Variants in IMMP2L observed in about 807,000 individuals in gnomAD.
IMMP2L encodes the protein inner mitochondrial membrane peptidase subunit 2.
A neutral mutation model predicts 19.3 loss-of-function variants in IMMP2L; 18 were observed. The observed-to-expected ratio is 0.93, with a 90% CI of 0.64 to 1.38. IMMP2L has a LOEUF of 1.38. Ranked by LOEUF, IMMP2L falls within the 40% of genes most tolerant of loss-of-function variation. IMMP2L has a pLI of 0.00. For synonymous variants in IMMP2L, 76 were observed against 73.0 expected (o/e 1.04, Z -0.21); for missense variants, 233 against 218.2 (o/e 1.07, Z -0.43).
In IMMP2L at chr7:110,830,667, G is replaced by GAGTC. The variant is rs138345328; in HGVS notation, c.408+55922_408+55925dup. Among the ~76,000 whole-genome samples the GAGTC allele has an allele frequency of 6.0e-3, 919 of 152,282 alleles. 23 individuals carry two copies. In the East Asian group the frequency reaches 0.085, roughly 14 times the overall value. On this transcript the variant is annotated intron_variant, in intron 5 of 5. Coordinates refer to ENST00000405709, the MANE Select transcript of IMMP2L (RefSeq NM_032549.4). The stretch of plus-strand genomic sequence containing the variant: ...ATGAGGTGTGCAAGAAGCCACTTGA[G>GAGTC]AGTCATAGTATGGAATGGAGACCAA...
chr7:110,974,894 G>A (rs141634447), intron 3 of IMMP2L, among the ~76,000 whole-genome samples: 10 of 152,156 alleles, frequency 6.6e-5, no homozygotes, highest in Non-Finnish European at 1.3e-4. Flanking sequence ...TGTGTTATAC[G>A]TAGGAGAAAA....
intron 3 of IMMP2L, among the ~76,000 whole-genome samples, chr7:111,035,492 GT>G (rs902779215): frequency 2.0e-5 from 3 of 152,160 alleles, no homozygotes; most frequent in Non-Finnish European, 2.9e-5. Flanking sequence ...GCAATAAATA[GT>G]GATTGCTTCT....
At chr7:111,423,338 C>G (rs1676277559) in intron 3 of IMMP2L, among the ~76,000 whole-genome samples, 1 of 151,782 alleles carries the variant, frequency 6.6e-6, no homozygotes, top group Admixed American at 6.6e-5. Context: ...GTGAATCCAT[C>G]TGGTCCTGGA....
chr7:110,702,596 A>G (rs1794357751), intron 5 of IMMP2L, among the ~76,000 whole-genome samples: 1 of 152,114 alleles, frequency 6.6e-6, no homozygotes, highest in Admixed American at 6.6e-5. Flanking sequence ...ATTTCTTTCA[A>G]CAATGTTTTG....
At chr7:111,520,155 TA>T (rs1265855274) in intron 2 of IMMP2L, among the ~76,000 whole-genome samples, 1 of 152,168 alleles carries the variant, frequency 6.6e-6, no homozygotes, top group Non-Finnish European at 1.5e-5. Context: ...GCCATATGCC[TA>T]TAAATCTTTC....
At chr7:111,166,405 ACTCT>A (rs1198664086) in intron 3 of IMMP2L, among the ~76,000 whole-genome samples, 2 of 151,992 alleles carry the variant, frequency 1.3e-5, no homozygotes, top group Non-Finnish European at 2.9e-5. Context: ...ATTATATTAT[ACTCT>A]CTCCTATCCT....
At chr7:111,510,844 C>T (rs1418361837) in intron 2 of IMMP2L, among the ~76,000 whole-genome samples, 2 of 152,120 alleles carry the variant, frequency 1.3e-5, no homozygotes, top group Admixed American at 6.5e-5. Context: ...CCCCACATAC[C>T]GTGCTTTACC....
At chr7:111,552,896 T>G (rs1479921593) in intron 1 of IMMP2L, among the ~76,000 whole-genome samples, 1 of 152,144 alleles carries the variant, frequency 6.6e-6, no homozygotes, top group Non-Finnish European at 1.5e-5. Context: ...ATCTGCCATC[T>G]CATGAGAATA....
intron 3 of IMMP2L, among the ~76,000 whole-genome samples, chr7:111,383,075 G>T (rs1004380152): frequency 2.0e-5 from 3 of 152,022 alleles, no homozygotes; most frequent in Non-Finnish European, 2.9e-5. Context: ...AGTCATGGAG[G>T]AAGAAAATGT....
At chr7:110,687,297 C>T (rs1420965482) in intron 5 of IMMP2L, among the ~76,000 whole-genome samples, 6 of 152,002 alleles carry the variant, frequency 3.9e-5, no homozygotes, top group Admixed American at 3.9e-4. Context: ...CTCTTCTACC[C>T]CCACTTCTAT....
At chr7:110,729,458 T>A (rs1170491450) in intron 5 of IMMP2L, among the ~76,000 whole-genome samples, 1 of 152,154 alleles carries the variant, frequency 6.6e-6, no homozygotes, top group East Asian at 1.9e-4. Context: ...ACTGCCCCCA[T>A]AATTCAGTCA....
chr7:111,379,923 T>C (rs1168703042), intron 3 of IMMP2L, among the ~76,000 whole-genome samples: 5 of 151,918 alleles, frequency 3.3e-5, no homozygotes, highest in African/African-American at 1.2e-4. Context: ...AAAATCCATG[T>C]ATACATTGCA....
At chr7:110,873,649 C>A (rs1180879881) in intron 5 of IMMP2L, among the ~76,000 whole-genome samples, 1 of 151,192 alleles carries the variant, frequency 6.6e-6, no homozygotes, top group Non-Finnish European at 1.5e-5. Context: ...TGGCACACAC[C>A]TGTAATCCCA....
At chr7:111,151,965 T>C (rs1804123476) in intron 3 of IMMP2L, among the ~76,000 whole-genome samples, 2 of 152,024 alleles carry the variant, frequency 1.3e-5, no homozygotes, top group East Asian at 3.9e-4. Context: ...GAAAACAATA[T>C]TTGAGATTAA....
At chr7:110,687,030 C>T (rs1039087976) in intron 5 of IMMP2L, among the ~76,000 whole-genome samples, 3 of 152,054 alleles carry the variant, frequency 2.0e-5, no homozygotes, top group African/African-American at 7.2e-5. Flanking sequence ...TACCACATAC[C>T]CTGAACAAGT....
chr7:110,697,175 T>C (rs1044990981), intron 5 of IMMP2L, among the ~76,000 whole-genome samples: 2 of 152,174 alleles, frequency 1.3e-5, no homozygotes, highest in Non-Finnish European at 2.9e-5. Context: ...TGACATGGCA[T>C]ATCTTGATTT....
chr7:111,402,094 C>G (rs961667832), intron 3 of IMMP2L, among the ~76,000 whole-genome samples: 1 of 149,240 alleles, frequency 6.7e-6, no homozygotes, highest in African/African-American at 2.5e-5. Context: ...GCACTCCAGG[C>G]TGGACCACAT....
intron 3 of IMMP2L, among the ~76,000 whole-genome samples, chr7:111,132,713 A>G (rs763287518): frequency 6.6e-6 from 1 of 152,008 alleles, no homozygotes; most frequent in Non-Finnish European, 1.5e-5. Context: ...GGGATTGCAT[A>G]TTGATAAAAG....
chr7:111,061,821 C>T (rs1355362344), intron 3 of IMMP2L, among the ~76,000 whole-genome samples: 1 of 152,168 alleles, frequency 6.6e-6, no homozygotes, highest in African/African-American at 2.4e-5. Flanking sequence ...AATGATTTTC[C>T]TATGATTCTT....
Sources: allele counts gnomAD v4.1 joint callset (sites outside exome capture counted in the v4.1 genomes callset), GRCh38; gene constraint gnomAD v4.1.1; transcripts MANE v1.5; gene names NCBI Gene and HGNC (gene_info 2026-07-23, HGNC 2026-07-21).